Variants in CHIC2 observed in about 807,000 individuals in gnomAD.
CHIC2 encodes the protein cysteine rich hydrophobic domain 2, also known as cysteine-rich hydrophobic domain-containing protein 2.
CHIC2 carries 14 observed loss-of-function variants against 25.9 expected under a neutral mutation model. That is an observed-to-expected ratio of 0.54 (90% CI 0.36 to 0.85). CHIC2 has a LOEUF of 0.85. Among genes scored for constraint, CHIC2 ranks in the 40% least tolerant of loss-of-function variants. The pLI is 0.01. For missense variants in CHIC2, 146 were observed against 202.0 expected, an observed-to-expected ratio of 0.72 and a Z score of 1.68; for synonymous variants, 70 against 72.0, an observed-to-expected ratio of 0.97 and a Z score of 0.14.
chr4:54,087,207 A>T, the CHIC2 span: 1 of 666,988 alleles, frequency 1.5e-6, no homozygotes, highest in East Asian at 2.6e-5. Context: ...AAAGCACCTC[A>T]GACCCCAGGG....
chr4:54,064,705 G>T (rs1717463549), upstream of CHIC2: 4 of 992,040 alleles, frequency 4.0e-6, no homozygotes, highest in African/African-American at 1.7e-5. The surrounding 1 kb of genome is among the most constrained non-coding windows in gnomAD (Gnocchi z 4.2). Flanking sequence ...GGGCGCGTGG[G>T]CGAGCGGACT....
At chr4:54,055,952 T>C (rs1162181599) in intron 1 of CHIC2, among the ~76,000 whole-genome samples, 2 of 152,170 alleles carry the variant, frequency 1.3e-5, no homozygotes, top group East Asian at 1.9e-4. Context: ...TCTAAAAATC[T>C]TAACTCTGTA....
At chr4:54,047,295 C>CTGGG (rs1394386889) in intron 3 of CHIC2, among the ~76,000 whole-genome samples, 5 of 152,134 alleles carry the variant, frequency 3.3e-5, no homozygotes, top group African/African-American at 1.2e-4. Context: ...AATCCCATTA[C>CTGGG]TGGGTATATA....
chr4:54,078,811 G>A, the CHIC2 span, among the ~76,000 whole-genome samples: 2 of 151,838 alleles, frequency 1.3e-5, no homozygotes, highest in African/African-American at 2.4e-5. Flanking sequence ...CACCGTTCCC[G>A]GCCTCTCTTA....
upstream of CHIC2, chr4:54,064,612 A>C: frequency 8.7e-7 from 1 of 1,155,678 alleles, no homozygotes. This position sits in a 1 kb window ranked among gnomAD's most constrained non-coding sequence, Gnocchi z 4.2. Context: ...AACCACAGCA[A>C]CAGCCCGAGC....
At chr4:54,083,875 C>T in the CHIC2 span, among the ~76,000 whole-genome samples, 2 of 152,208 alleles carry the variant, frequency 1.3e-5, no homozygotes, top group Admixed American at 1.3e-4. Context: ...CTGCCACTCA[C>T]ACTCTTTGCT....
intron 3 of CHIC2, among the ~76,000 whole-genome samples, chr4:54,044,399 C>A (rs181691147): frequency 4.5e-4 from 68 of 152,268 alleles, no homozygotes; most frequent in African/African-American, 1.5e-3. Flanking sequence ...ACATAGTTGG[C>A]AGTAAAGCAC....
At chr4:54,091,734 AT>A in the CHIC2 span, among the ~76,000 whole-genome samples, 1 of 152,170 alleles carries the variant, frequency 6.6e-6, no homozygotes, top group Non-Finnish European at 1.5e-5. Context: ...CCCTACCCTC[AT>A]TCTAATTCAC....
At chr4:54,033,155 C>G (rs1716285427) in intron 3 of CHIC2, among the ~76,000 whole-genome samples, 1 of 152,194 alleles carries the variant, frequency 6.6e-6, no homozygotes, top group South Asian at 2.1e-4. Context: ...CCAATTAAAC[C>G]TCTTCATTAT....
chr4:54,045,273 C>T (rs1337250324), intron 3 of CHIC2, among the ~76,000 whole-genome samples: 1 of 151,426 alleles, frequency 6.6e-6, no homozygotes, highest in African/African-American at 2.4e-5. Flanking sequence ...AATAGAAAAA[C>T]AAGGAATCCT....
chr4:54,043,147 C>T lies in CHIC2; in HGVS notation c.330+5808G>A, dbSNP rs182540255. 6.0e-4 allele frequency among the ~76,000 whole-genome samples: 91 copies of T among 152,170 alleles called. 1 individual carries two copies. Among genetic ancestry groups the T allele is most frequent in the South Asian group, 5.2e-3 (25 of 4,814 alleles). ...GCATAGAAACCCTGTCTCGGCCAGG[C>T]GCGGTGGCTCACGCCTGTAATCCCA... On this transcript the variant is annotated intron_variant, in intron 3 of 5. Coordinates refer to ENST00000263921, the MANE Select transcript of CHIC2 (RefSeq NM_012110.4).
At chr4:54,084,959 C>CAAAAAAAAAAAACAAAAAA in the CHIC2 span, among the ~76,000 whole-genome samples, 1 of 58,922 alleles carries the variant, frequency 1.7e-5, no homozygotes, top group Non-Finnish European at 3.2e-5. Context: ...TGCTCTGTCT[C>CAAAAAAAAAAAACAAAAAA]AAAAAAAAAA....
chr4:54,084,514 G>GT, the CHIC2 span, among the ~76,000 whole-genome samples: 1 of 151,774 alleles, frequency 6.6e-6, no homozygotes, highest in Admixed American at 6.6e-5. Context: ...GAAAACACAG[G>GT]TAAAAACCCC....
chr4:54,078,425 C>T, the CHIC2 span, among the ~76,000 whole-genome samples: 10 of 152,278 alleles, frequency 6.6e-5, no homozygotes, highest in South Asian at 2.1e-3. Flanking sequence ...ATAGGAACAA[C>T]CTTATTAATA....
At chr4:54,043,664 G>A (rs1014808476) in intron 3 of CHIC2, among the ~76,000 whole-genome samples, 1 of 152,042 alleles carries the variant, frequency 6.6e-6, no homozygotes. Context: ...CACTAAACAT[G>A]GAAAGGAACA....
chr4:54,083,395 T>C, the CHIC2 span, among the ~76,000 whole-genome samples: 3 of 152,328 alleles, frequency 2.0e-5, no homozygotes, highest in East Asian at 3.9e-4. Flanking sequence ...GCTATTCTTA[T>C]AGCACTTAAA....
chr4:54,058,879 T>C (rs1486800115), intron 1 of CHIC2, among the ~76,000 whole-genome samples: 1 of 152,150 alleles, frequency 6.6e-6, no homozygotes, highest in Non-Finnish European at 1.5e-5. Context: ...AGTATCATAA[T>C]AATTACATAT....
At chr4:54,033,009 CA>C (rs1716281820) in intron 3 of CHIC2, among the ~76,000 whole-genome samples, 1 of 152,154 alleles carries the variant, frequency 6.6e-6, no homozygotes, top group African/African-American at 2.4e-5. Flanking sequence ...GCACCTCTCC[CA>C]ACCCCCTTGC....
intron 3 of CHIC2, among the ~76,000 whole-genome samples, chr4:54,032,916 G>A (rs894895185): frequency 6.6e-6 from 1 of 152,182 alleles, no homozygotes; most frequent in Non-Finnish European, 1.5e-5. Flanking sequence ...GGGGCCTCGT[G>A]GAAGGTGATT....
Sources: allele counts gnomAD v4.1 joint callset (sites outside exome capture counted in the v4.1 genomes callset), GRCh38; gene constraint gnomAD v4.1.1; non-coding constraint Gnocchi (gnomAD v3.1); transcripts MANE v1.5; gene names NCBI Gene and HGNC (gene_info 2026-07-23, HGNC 2026-07-21).